The following THSD4 variants were observed in gnomAD, a reference collection of about 807,000 sequenced individuals.
The protein encoded by THSD4 is thrombospondin type-1 domain-containing protein 4.
In THSD4, 69 loss-of-function variants were observed where a neutral mutation model predicts 119.0. The ratio of observed to expected loss-of-function variants is 0.58; its 90% CI spans 0.48 to 0.71. The LOEUF (loss-of-function observed/expected upper bound fraction) is 0.71, where lower values mean the gene tolerates loss of function less well. THSD4 is among the 30% of genes least tolerant of loss of function. The pLI is 0.00. For synonymous variants in THSD4, 524 were observed against 540.4 expected (o/e 0.97, Z 0.42); for missense variants, 1,393 against 1,391.1 (o/e 1.00, Z -0.02).
At chr15:71,537,715 A>G (rs1043914291) in intron 7 of THSD4, among the ~76,000 whole-genome samples, 1 of 152,104 alleles carries the variant, frequency 6.6e-6, no homozygotes, top group Non-Finnish European at 1.5e-5. Context: ...GGACAAGTGA[A>G]ATACATTCTC....
intron 17 of THSD4, among the ~76,000 whole-genome samples, chr15:71,773,103 A>G (rs1262167026): frequency 6.7e-6 from 1 of 148,254 alleles, no homozygotes; most frequent in East Asian, 2.0e-4. Context: ...TAGGAAGCTG[A>G]GGTAGGAGGA....
intron 6 of THSD4, among the ~76,000 whole-genome samples, chr15:71,256,979 G>A (rs2044324984): frequency 6.6e-6 from 1 of 152,196 alleles, no homozygotes; most frequent in African/African-American, 2.4e-5. Flanking sequence ...GGCAGGGTGA[G>A]GGGGACAGAA....
intron 7 of THSD4, among the ~76,000 whole-genome samples, chr15:71,530,381 G>A (rs180876811): frequency 2.6e-5 from 4 of 152,230 alleles, no homozygotes; most frequent in Admixed American, 2.0e-4. Flanking sequence ...GGGAGAAAGC[G>A]GGGAGGAAGG....
intron 7 of THSD4, among the ~76,000 whole-genome samples, chr15:71,507,402 T>C (rs1219496408): frequency 1.8e-5 from 1 of 55,850 alleles, no homozygotes; most frequent in Non-Finnish European, 4.2e-5. Flanking sequence ...TGTTTGCTCT[T>C]ATTTCTCTCA....
intron 7 of THSD4, among the ~76,000 whole-genome samples, chr15:71,514,957 G>A (rs2048336555): frequency 6.6e-6 from 1 of 152,012 alleles, no homozygotes; most frequent in Non-Finnish European, 1.5e-5. Flanking sequence ...CCAGTTTTTA[G>A]TTACTACCTA....
intron 1 of THSD4, among the ~76,000 whole-genome samples, chr15:71,126,318 C>G (rs1159905730): frequency 1.3e-5 from 2 of 152,132 alleles, no homozygotes; most frequent in African/African-American, 2.4e-5. Flanking sequence ...CATTGGGGAC[C>G]TGGTGGGGAG....
chr15:71,633,273 T>TC (rs1205064580), intron 7 of THSD4, among the ~76,000 whole-genome samples: 1 of 75,944 alleles, frequency 1.3e-5, no homozygotes, highest in African/African-American at 3.9e-5. Flanking sequence ...TTCTTTCTTT[T>TC]TTTTTTTTTT....
At chr15:71,668,446 C>T (rs1277916925) in intron 8 of THSD4, among the ~76,000 whole-genome samples, 1 of 152,024 alleles carries the variant, frequency 6.6e-6, no homozygotes. Flanking sequence ...GGCTCTGAGC[C>T]TGGAAGACAG....
chr15:71,281,653 C>T (rs1208635393), intron 6 of THSD4, among the ~76,000 whole-genome samples: 3 of 152,174 alleles, frequency 2.0e-5, no homozygotes, highest in Non-Finnish European at 4.4e-5. Context: ...TACAGAAATT[C>T]AGTGCGTATG....
At position 71,421,547 on chromosome 15, in the gene THSD4, G is replaced by A. The variant is rs149084381; in HGVS notation, c.1152+9724G>A. The stretch of plus-strand genomic sequence containing the variant: ...AATATCTGCTGCCAGATGTAATGGC[G>A]CTTCATTGTATGTTATTTATTTCTT... On this transcript the variant is annotated intron_variant, in intron 7 of 17. Transcript: ENST00000261862. 1.6e-3 allele frequency among the ~76,000 whole-genome samples: 240 copies of A among 152,236 alleles called. 2 individuals are homozygous for A. Among genetic ancestry groups the A allele is most frequent in the African/African-American group, 5.2e-3 (217 of 41,540 alleles).
chr15:71,100,831 A>C (rs570472968), intron 1 of THSD4, among the ~76,000 whole-genome samples: 2 of 152,022 alleles, frequency 1.3e-5, no homozygotes, highest in South Asian at 4.2e-4. Context: ...AAATACAAAA[A>C]TAGCCAGGCA....
At chr15:71,211,148 G>A (rs772348644) in intron 3 of THSD4, among the ~76,000 whole-genome samples, 1 of 151,952 alleles carries the variant, frequency 6.6e-6, no homozygotes, top group Non-Finnish European at 1.5e-5. Context: ...TATAATATTC[G>A]GCAGTCTAAT....
intron 6 of THSD4, among the ~76,000 whole-genome samples, chr15:71,313,982 G>A (rs2045150715): frequency 6.6e-6 from 1 of 152,130 alleles, no homozygotes; most frequent in Non-Finnish European, 1.5e-5. Flanking sequence ...CGGATGATGA[G>A]GCATAGGAAG....
chr15:71,462,329 T>G (rs548557720), intron 7 of THSD4, among the ~76,000 whole-genome samples: 1 of 152,226 alleles, frequency 6.6e-6, no homozygotes, highest in Non-Finnish European at 1.5e-5. Context: ...CTGGCTAATT[T>G]TTTTTCTTGT....
At chr15:71,260,431 C>G (rs1382869960) in intron 6 of THSD4, among the ~76,000 whole-genome samples, 1 of 152,164 alleles carries the variant, frequency 6.6e-6, no homozygotes. Context: ...TTTCCATCCT[C>G]TCTCTCCCAC....
At chr15:71,638,074 A>G (rs992600960) in intron 7 of THSD4, among the ~76,000 whole-genome samples, 1 of 152,168 alleles carries the variant, frequency 6.6e-6, no homozygotes, top group African/African-American at 2.4e-5. Flanking sequence ...AGGGGCTAAG[A>G]TGGTAAATTT....
At chr15:71,523,309 C>G (rs139566103) in intron 7 of THSD4, among the ~76,000 whole-genome samples, 19 of 152,180 alleles carry the variant, frequency 1.2e-4, no homozygotes, top group African/African-American at 4.3e-4. Flanking sequence ...ATTCCTTGCC[C>G]ACTGGCTGCA....
intron 7 of THSD4, among the ~76,000 whole-genome samples, chr15:71,412,689 T>C (rs1859610766): frequency 1.3e-5 from 2 of 152,136 alleles, no homozygotes; most frequent in Non-Finnish European, 2.9e-5. Context: ...CTTGCTACAG[T>C]GTTTAATATT....
intron 6 of THSD4, among the ~76,000 whole-genome samples, chr15:71,259,260 G>T (rs1335320746): frequency 6.6e-6 from 1 of 152,176 alleles, no homozygotes; most frequent in African/African-American, 2.4e-5. Context: ...GAGCTAGGCA[G>T]AGACAAGGAA....
Sources: gnomAD v4.1 joint callset for allele counts (sites outside exome capture counted in the v4.1 genomes callset) on GRCh38, gnomAD v4.1.1 for gene constraint, MANE v1.5 for transcripts, NCBI Gene and HGNC (gene_info 2026-07-23, HGNC 2026-07-21) for gene names.